Variants in ENOX1 observed in about 807,000 individuals in gnomAD.
ENOX1 encodes the protein candidate growth-related and time keeping constitutive hydroquinone (NADH) oxidase.
ENOX1 carries 42 observed loss-of-function variants against 82.5 expected under a neutral mutation model. The observed-to-expected ratio is 0.51, with a 90% CI of 0.40 to 0.66. The LOEUF (loss-of-function observed/expected upper bound fraction) is 0.66. ENOX1 is among the 30% of genes least tolerant of loss of function. The pLI is 0.00. For missense variants in ENOX1, 608 were observed against 811.6 expected (o/e 0.75, Z 3.05); for synonymous variants, 271 against 282.2 (o/e 0.96, Z 0.40).
At chr13:43,687,659 T>TAATATACATACATACAG (rs1023003061) in intron 1 of ENOX1, among the ~76,000 whole-genome samples, 5 of 152,132 alleles carry the variant, frequency 3.3e-5, no homozygotes, top group African/African-American at 1.2e-4. Flanking sequence ...TACCCTACAG[T>TAATATACATACATACAG]GCATGCTATG....
intron 5 of ENOX1, among the ~76,000 whole-genome samples, chr13:43,381,946 G>GA (rs2052079254): frequency 6.6e-6 from 1 of 151,844 alleles, no homozygotes; most frequent in Admixed American, 6.6e-5. Context: ...AAATCTTAAG[G>GA]AAAAAATAAT....
chr13:43,403,182 C>T (rs545585757), intron 5 of ENOX1, among the ~76,000 whole-genome samples: 24 of 152,032 alleles, frequency 1.6e-4, no homozygotes, highest in African/African-American at 5.5e-4. Flanking sequence ...CAGAGTACAA[C>T]AGAGCAAATA....
chr13:43,751,912 G>A (rs1950342323), intron 1 of ENOX1, among the ~76,000 whole-genome samples: 1 of 152,164 alleles, frequency 6.6e-6, no homozygotes, highest in African/African-American at 2.4e-5. Context: ...GGAAATAAAT[G>A]AGTCATGTGG....
chr13:43,414,495 C>G (rs1181190077), intron 3 of ENOX1, among the ~76,000 whole-genome samples: 1 of 152,182 alleles, frequency 6.6e-6, no homozygotes, highest in African/African-American at 2.4e-5. Flanking sequence ...TGCCATCAGA[C>G]AAAGAGATTC....
At chr13:43,408,834 C>A (rs538100479) in intron 5 of ENOX1, among the ~76,000 whole-genome samples, 1 of 151,968 alleles carries the variant, frequency 6.6e-6, no homozygotes, top group African/African-American at 2.4e-5. Context: ...TCACTGGGGG[C>A]ATGGAAAATA....
chr13:43,485,228 A>G (rs1016805186), intron 2 of ENOX1, among the ~76,000 whole-genome samples: 4 of 152,140 alleles, frequency 2.6e-5, no homozygotes, highest in African/African-American at 9.7e-5. Context: ...GTTCCAGTGC[A>G]ACACAGAGAC....
At chr13:43,746,615 A>G (rs1484235669) in intron 1 of ENOX1, among the ~76,000 whole-genome samples, 1 of 152,190 alleles carries the variant, frequency 6.6e-6, no homozygotes, top group East Asian at 1.9e-4. Context: ...CATAGAGTAC[A>G]ACAGATCACT....
rs71099836 is a variant in ENOX1, at chr13:43,506,986, TAA to T, written c.-218-22836_-218-22835del. Among the ~76,000 whole-genome samples, 6 of 150,846 alleles carry T rather than the reference TAA, an allele frequency of 4.0e-5. No homozygotes were observed. In the East Asian group the frequency reaches 5.9e-4, roughly 15 times the overall value. On this transcript the variant is annotated intron_variant, in intron 2 of 16. Transcript: ENST00000690772. ...ATGTACCCTAAAACTTAAAGTATAA[TAA>T]AAAAAAACCCTTGAGGGAATTTGAG...
intron 3 of ENOX1, among the ~76,000 whole-genome samples, chr13:43,455,046 A>G (rs1030715880): frequency 7.2e-5 from 11 of 152,022 alleles, no homozygotes; most frequent in Admixed American, 6.6e-4. Flanking sequence ...CCTGGATCCC[A>G]TGATTTCCTC....
At chr13:43,288,753 A>G (rs752270353) in intron 12 of ENOX1, among the ~76,000 whole-genome samples, 6 of 152,188 alleles carry the variant, frequency 3.9e-5, no homozygotes, top group Admixed American at 6.5e-5. Context: ...CTCTACTTAG[A>G]AGGTAGATCC....
intron 1 of ENOX1, among the ~76,000 whole-genome samples, chr13:43,755,081 T>TAA (rs34738406): frequency 6.8e-6 from 1 of 147,454 alleles, no homozygotes; most frequent in Admixed American, 6.7e-5. Flanking sequence ...CTCAGGAGAT[T>TAA]AAAAAAAAAA....
intron 3 of ENOX1, among the ~76,000 whole-genome samples, chr13:43,457,715 C>G (rs1361088870): frequency 6.6e-6 from 1 of 152,118 alleles, no homozygotes; most frequent in Non-Finnish European, 1.5e-5. Context: ...GGCAGTTAAG[C>G]AATTTATGTC....
At chr13:43,396,980 A>G (rs2053193901) in intron 5 of ENOX1, among the ~76,000 whole-genome samples, 1 of 152,134 alleles carries the variant, frequency 6.6e-6, no homozygotes, top group African/African-American at 2.4e-5. Flanking sequence ...CCACCTCTCC[A>G]GGGCCCATGG....
intron 8 of ENOX1, among the ~76,000 whole-genome samples, chr13:43,352,429 C>A (rs1011278134): frequency 6.6e-6 from 1 of 152,216 alleles, no homozygotes; most frequent in African/African-American, 2.4e-5. Flanking sequence ...ATCTCTTCCT[C>A]CCACAGTCCA....
chr13:43,303,441 C>G (rs1306972484), intron 11 of ENOX1, among the ~76,000 whole-genome samples: 2 of 152,222 alleles, frequency 1.3e-5, no homozygotes, highest in African/African-American at 4.8e-5. Context: ...TGTACTCAAA[C>G]TCATGCTTCT....
chr13:43,661,964 T>C (rs9533574), intron 2 of ENOX1, among the ~76,000 whole-genome samples: 46,731 of 150,872 alleles, frequency 0.31, 7,294 homozygotes, highest in Admixed American at 0.4. Flanking sequence ...CACAGACTGA[T>C]TGATGTTCTT....
At chr13:43,319,652 G>A (rs560773882) in intron 11 of ENOX1, among the ~76,000 whole-genome samples, 77 of 152,256 alleles carry the variant, frequency 5.1e-4, no homozygotes, top group South Asian at 3.3e-3. Context: ...CAGACAGAGC[G>A]CCCTGCAGTG....
intron 1 of ENOX1, among the ~76,000 whole-genome samples, chr13:43,689,066 T>G (rs1330231970): frequency 6.6e-6 from 1 of 152,134 alleles, no homozygotes; most frequent in East Asian, 1.9e-4. Context: ...TCCATCCTAC[T>G]CAGCCAAAAG....
chr13:43,366,047 T>G (rs559362482), intron 5 of ENOX1, among the ~76,000 whole-genome samples: 5 of 152,376 alleles, frequency 3.3e-5, no homozygotes, highest in African/African-American at 1.2e-4. Flanking sequence ...ACCAGAAGTT[T>G]CCAGTGGAGA....
Sources: gnomAD v4.1 joint callset for allele counts (sites outside exome capture counted in the v4.1 genomes callset) on GRCh38, gnomAD v4.1.1 for gene constraint, MANE v1.5 for transcripts, NCBI Gene and HGNC (gene_info 2026-07-23, HGNC 2026-07-21) for gene names.